The following CHLSN variants were observed in gnomAD, a reference collection of about 807,000 sequenced individuals.
CHLSN encodes protein cholesin.
the CHLSN span, among the ~76,000 whole-genome samples, chr7:1,096,461 C>CA: frequency 3.3e-5 from 5 of 152,226 alleles, no homozygotes; most frequent in East Asian, 9.6e-4. This position sits in a 1 kb window ranked among gnomAD's most constrained non-coding sequence, Gnocchi z 4.6. Context: ...AGCTGTAGGA[C>CA]AGAGACCAGC....
the CHLSN span, among the ~76,000 whole-genome samples, chr7:995,214 G>A: frequency 1.2e-4 from 18 of 152,242 alleles, no homozygotes; most frequent in Admixed American, 1.2e-3. Flanking sequence ...GGGGTAGGGA[G>A]ACCCCAGGGC....
the CHLSN span, among the ~76,000 whole-genome samples, chr7:1,133,014 G>A: frequency 1.3e-5 from 2 of 152,106 alleles, no homozygotes; most frequent in East Asian, 1.9e-4. Flanking sequence ...TAATATTCAA[G>A]CGGTGGAAAC....
the CHLSN span, chr7:1,028,253 C>A: frequency 9.2e-7 from 1 of 1,092,368 alleles, no homozygotes; most frequent in Non-Finnish European, 1.1e-6. Flanking sequence ...GCCCCGCGCA[C>A]TGACCTCTGA....
chr7:1,102,437 G>A, the CHLSN span, among the ~76,000 whole-genome samples: 1 of 152,244 alleles, frequency 6.6e-6, no homozygotes, highest in Non-Finnish European at 1.5e-5. Flanking sequence ...GCTCATCCAC[G>A]ACTGTGAAGC....
At chr7:1,131,564 C>G in the CHLSN span, among the ~76,000 whole-genome samples, 1 of 152,184 alleles carries the variant, frequency 6.6e-6, no homozygotes, top group African/African-American at 2.4e-5. Context: ...CTTTAAAAAG[C>G]ATCAGAAGCC....
chr7:1,064,317 C>T, the CHLSN span, among the ~76,000 whole-genome samples: 2 of 152,232 alleles, frequency 1.3e-5, no homozygotes, highest in South Asian at 2.1e-4. Flanking sequence ...CCCGGAAAGA[C>T]GCACGATGGC....
At chr7:982,362 C>A in the CHLSN span, among the ~76,000 whole-genome samples, 1 of 152,220 alleles carries the variant, frequency 6.6e-6, no homozygotes, top group African/African-American at 2.4e-5. Flanking sequence ...TGGGGAGGGT[C>A]CCGCCTGCTG....
At chr7:1,104,986 G>C in the CHLSN span, among the ~76,000 whole-genome samples, 36,727 of 152,124 alleles carry the variant, frequency 0.24, 4,761 homozygotes, top group African/African-American at 0.3. Flanking sequence ...GGCTTCCTTT[G>C]AACAGTCAGG....
the CHLSN span, among the ~76,000 whole-genome samples, chr7:1,031,152 G>A: frequency 2.6e-5 from 4 of 152,230 alleles, no homozygotes; most frequent in Non-Finnish European, 5.9e-5. Context: ...CAGATAGCTG[G>A]TGAACTGCTT....
chr7:1,065,886 A>G, the CHLSN span, among the ~76,000 whole-genome samples: 2 of 152,212 alleles, frequency 1.3e-5, no homozygotes, highest in African/African-American at 4.8e-5. Flanking sequence ...AGGCAGCTCC[A>G]GGGCCAGCCG....
At chr7:1,101,637 G>A in the CHLSN span, among the ~76,000 whole-genome samples, 3 of 152,238 alleles carry the variant, frequency 2.0e-5, no homozygotes, top group Admixed American at 6.5e-5. Flanking sequence ...TCCTTGCAGG[G>A]TGGACCGTCC....
At chr7:1,123,417 C>T in the CHLSN span, among the ~76,000 whole-genome samples, 1 of 152,118 alleles carries the variant, frequency 6.6e-6, no homozygotes, top group African/African-American at 2.4e-5. The surrounding 1 kb of genome is among the most constrained non-coding windows in gnomAD (Gnocchi z 4.4). Flanking sequence ...CACGGGGGGA[C>T]ACAGGCTTCT....
the CHLSN span, among the ~76,000 whole-genome samples, chr7:1,054,145 C>G: frequency 3.9e-5 from 6 of 152,380 alleles, no homozygotes; most frequent in South Asian, 1.2e-3. Context: ...CCCGCCCCAG[C>G]TGCCTTCCCT....
At chr7:1,117,480 G>A in the CHLSN span, among the ~76,000 whole-genome samples, 35 of 131,242 alleles carry the variant, frequency 2.7e-4, no homozygotes, top group Admixed American at 1.3e-3. Flanking sequence ...GCAGTTCTAC[G>A]GACCGGCTTC....
At chr7:1,057,266 C>T in the CHLSN span, among the ~76,000 whole-genome samples, 31 of 152,326 alleles carry the variant, frequency 2.0e-4, no homozygotes, top group Middle Eastern at 3.4e-3. Flanking sequence ...TGGTCCCCAA[C>T]CCCAGCCGCT....
the CHLSN span, among the ~76,000 whole-genome samples, chr7:1,132,208 G>A: frequency 3.9e-4 from 60 of 152,296 alleles, no homozygotes; most frequent in African/African-American, 1.4e-3. Context: ...TAATAAATTG[G>A]ACTACAACAA....
At chr7:1,130,649 C>T in the CHLSN span, among the ~76,000 whole-genome samples, 68 of 152,020 alleles carry the variant, frequency 4.5e-4, 2 homozygotes, top group Non-Finnish European at 1.5e-5. Context: ...CCACTGGGTG[C>T]AGCCGAAAAG....
At chr7:1,070,646 C>T in the CHLSN span, among the ~76,000 whole-genome samples, 2 of 148,818 alleles carry the variant, frequency 1.3e-5, no homozygotes, top group African/African-American at 5.0e-5. Context: ...CACGGACACA[C>T]ATGCACACAC....
chr7:980,184 C>CT, the CHLSN span, among the ~76,000 whole-genome samples: 1 of 152,256 alleles, frequency 6.6e-6, no homozygotes, highest in Non-Finnish European at 1.5e-5. Flanking sequence ...CCAGGTCTGT[C>CT]TGACTCCAGC....
Sources: allele counts gnomAD v4.1 joint callset (sites outside exome capture counted in the v4.1 genomes callset), GRCh38; gene constraint gnomAD v4.1.1; non-coding constraint Gnocchi (gnomAD v3.1); transcripts MANE v1.5; gene names NCBI Gene and HGNC (gene_info 2026-07-23, HGNC 2026-07-21).